HIF3A: variants seen among roughly 807,000 people sequenced by gnomAD.
HIF3A encodes hypoxia inducible factor 3 subunit alpha, also known as hypoxia-inducible factor 3-alpha.
In HIF3A, 41 loss-of-function variants were observed where a neutral mutation model predicts 67.2. The ratio of observed to expected loss-of-function variants is 0.61; its 90% CI spans 0.48 to 0.79. The LOEUF (loss-of-function observed/expected upper bound fraction) is 0.79, where lower values mean the gene tolerates loss of function less well. Ranked by LOEUF, HIF3A falls within the 30% of genes least tolerant of loss-of-function variation. The pLI is 0.00. For synonymous variants in HIF3A, 356 were observed against 374.8 expected, an observed-to-expected ratio of 0.95 and a Z score of 0.58; for missense variants, 855 against 898.0, an observed-to-expected ratio of 0.95 and a Z score of 0.61.
chr19:46,309,234 G>A lies in HIF3A; in HGVS notation c.645G>A (p.Pro215=), dbSNP rs539753130. The A allele has an allele frequency of 1.2e-5, 20 of 1,614,048 alleles. No homozygotes were observed. The highest frequency in any genetic ancestry group is 6.7e-5 in the African/African-American group (5 of 75,036). The change falls in exon 6 of 15, where the codon CCG becomes CCA. Residue 215 remains proline (P), a synonymous_variant. Coordinates refer to ENST00000377670, the MANE Select transcript of HIF3A (RefSeq NM_152795.4). The part of the protein sequence containing the change: ...SPAGSPDSEP[P]LQCLVLICEA... Reference sequence around the variant, plus strand: ...CTGGGAGCCCTGACTCAGAGCCCCCGCTGCAGTGCCTGGTGCTCATCTGCG... The same window carrying A: ...CTGGGAGCCCTGACTCAGAGCCCCCACTGCAGTGCCTGGTGCTCATCTGCG...
At chr19:46,304,217 TC>T (rs1968614692) in intron 2 of HIF3A, 129 bp downstream of exon 2, 1 of 621,836 alleles carries the variant, frequency 1.6e-6, no homozygotes, top group Non-Finnish European at 2.7e-6. Flanking sequence ...GTCGTTTTTT[TC>T]GGCGGAGCCC....
intron 4 of HIF3A, 73 bp from the exon 5 acceptor site, chr19:46,308,590 G>A (rs746941705): frequency 6.7e-6 from 6 of 892,178 alleles, no homozygotes; most frequent in Non-Finnish European, 1.0e-5. Context: ...GGCCTGAGCA[G>A]CCAGGGTGCC....
rs201338052 is a variant in HIF3A, at chr19:46,308,287, G to T, written c.430G>T (p.Ala144Ser). 6.2e-7 allele frequency: 1 copy of T among 1,612,356 alleles called. No homozygotes were observed. Among genetic ancestry groups the T allele is most frequent in the Non-Finnish European group, 8.5e-7 (1 of 1,178,990 alleles). ...HPCDQEELQD[A>S]LTPQQTLSRR... is the part of the protein sequence containing the mutation. ...CTGTGACCAAGAGGAGCTTCAGGAC[G>T]CCCTGACCCCCCAGCAGAGTGAGTT... The change falls in exon 4 of 15, where the codon GCC (alanine) becomes TCC (serine). Residue 144 changes from alanine to serine, a missense_variant. Transcript: ENST00000377670.
In HIF3A at chr19:46,321,805, C is replaced by G. The variant is rs771702806; in HGVS notation, c.1174C>G (p.Leu392Val). 2.5e-6 allele frequency: 4 copies of G among 1,613,742 alleles called. No homozygotes were observed. In the Admixed American group the frequency reaches 5.0e-5, roughly 20 times the overall value. ...DTPGPRILAFLHPPSLSEAAL... is the reference protein window; with the variant it reads ...DTPGPRILAFVHPPSLSEAAL... ...CCCTGGCCCCCGGATCCTTGCCTTC[C>G]TGCACCCGCCTTCCCTGAGCGAGGC... Residue 392 changes from leucine to valine, a missense_variant, in exon 10 of 15, where the codon CTG (leucine) becomes GTG (valine). By Grantham distance (32) the Leu-to-Val change is conservative. This residue lies in a region of HIF3A where 638 missense variants were observed against 660.5 expected (regional missense o/e 0.97). Transcript: ENST00000377670.
intron 14 of HIF3A, among the ~76,000 whole-genome samples, chr19:46,336,063 T>G (rs1971585781): frequency 6.6e-6 from 1 of 151,244 alleles, no homozygotes; most frequent in South Asian, 2.1e-4. Context: ...TTCACATTTT[T>G]ATTTTCTTTC....
chr19:46,300,067 C>T (rs1055753710), intron 1 of HIF3A, among the ~76,000 whole-genome samples: 4 of 152,182 alleles, frequency 2.6e-5, no homozygotes, highest in African/African-American at 9.7e-5. Flanking sequence ...GATGCCATTG[C>T]TCCAAATCTC....
At chr19:46,330,045 G>A (rs1568541789) in intron 12 of HIF3A, among the ~76,000 whole-genome samples, 1 of 140,410 alleles carries the variant, frequency 7.1e-6, no homozygotes, top group Non-Finnish European at 1.6e-5. Flanking sequence ...GGAAGGAAGG[G>A]AAGGAGGGAG....
intron 1 of HIF3A, chr19:46,298,488 C>G (rs551559346): frequency 2.0e-4 from 253 of 1,285,280 alleles, no homozygotes; most frequent in Non-Finnish European, 2.5e-4. Context: ...CTGGATGGCC[C>G]TTCAGCCAAC....
At chr19:46,299,481 A>C (rs538681211) in intron 1 of HIF3A, among the ~76,000 whole-genome samples, 208 of 152,202 alleles carry the variant, frequency 1.4e-3, no homozygotes, top group African/African-American at 4.7e-3. Context: ...GCACTTTGGG[A>C]GGCTGAGGTG....
intron 3 of HIF3A, among the ~76,000 whole-genome samples, chr19:46,307,995 C>T (rs3890990): frequency 0.13 from 3,416 of 26,774 alleles, 78 homozygotes; most frequent in Non-Finnish European, 0.18. Context: ...GACAGACAGA[C>T]AGACAGATAG....
chr19:46,312,142 C>T lies in HIF3A; in HGVS notation c.771-19C>T. On this transcript the variant is annotated intron_variant, in intron 6 of 14. Transcript: ENST00000377670. ...ACCCAGTAGCATCCTGACCAGACCCCACTCCGCCCCACCCCCAGGATTGCA... is the reference window on the plus strand; with the variant it reads ...ACCCAGTAGCATCCTGACCAGACCCTACTCCGCCCCACCCCCAGGATTGCA... 6.2e-7 allele frequency: 1 copy of T among 1,601,604 alleles called. No homozygotes were observed. Among genetic ancestry groups the T allele is most frequent in the Non-Finnish European group, 8.6e-7 (1 of 1,168,616 alleles).
At chr19:46,302,770 A>C (rs1968456775) in intron 1 of HIF3A, among the ~76,000 whole-genome samples, 1 of 152,048 alleles carries the variant, frequency 6.6e-6, no homozygotes, top group African/African-American at 2.4e-5. Context: ...GCTACATAAG[A>C]GGCTGAGGCT....
At chr19:46,312,811 G>A in intron 8 of HIF3A, 158 bp downstream of exon 8, 4 of 1,352,094 alleles carry the variant, frequency 3.0e-6, no homozygotes, top group Non-Finnish European at 3.8e-6. Flanking sequence ...TGAGGAATGT[G>A]TGTCACCATG....
At position 46,341,639 on chromosome 19, in the gene HIF3A, C is replaced by CT. The variant is rs1159526885; in HGVS notation, c.*2031dup. 0.021 allele frequency: 3,052 copies of CT among 142,842 alleles called. 49 individuals carry two copies. The highest frequency in any genetic ancestry group is 0.044 in the African/African-American group (1,713 of 39,062). The allele number at this position is 142,842 out of a possible 1,614,324, so 8.8% of individuals were successfully genotyped here. A position where few individuals can be genotyped will look rare whatever the true frequency, so the allele number is the denominator to read the frequency against. On this transcript the variant is annotated 3_prime_UTR_variant, in exon 15 of 15. Coordinates refer to ENST00000377670, the MANE Select transcript of HIF3A (RefSeq NM_152795.4). Reference sequence around the variant, plus strand: ...TGTTTATCTCTTTTTTCTTCCTCTTCTTTTTTTTTTTTTTCTTTTTTGAGA... The same window carrying CT: ...TGTTTATCTCTTTTTTCTTCCTCTTCTTTTTTTTTTTTTTTCTTTTTTGAGA...
At chr19:46,298,578 C>T (rs1305607221) in intron 1 of HIF3A, 13 of 1,163,510 alleles carry the variant, frequency 1.1e-5, no homozygotes, top group Non-Finnish European at 1.4e-5. Context: ...GGCTGCCATC[C>T]CACTGTGGCC....
chr19:46,325,489 T>C, intron 10 of HIF3A, 46 bp from the exon 11 acceptor site: 1 of 1,389,794 alleles, frequency 7.2e-7, no homozygotes, highest in Non-Finnish European at 1.0e-6. Context: ...TGTTGATACC[T>C]CCCAGGCTCA....
Position 46,297,154 on chromosome 19 carries a change from G to C in HIF3A, c.26+52G>C. ...TGGGAATTGGGGGGCTCTCCTCCTG[G>C]AGACCCCTGAGCTGGATTGTTGGGG... On this transcript the variant is annotated intron_variant, in intron 1 of 14. Coordinates refer to ENST00000377670, the MANE Select transcript of HIF3A (RefSeq NM_152795.4). The surrounding 1 kb of genome is among the most constrained non-coding windows in gnomAD (Gnocchi z 4.5). 2.1e-6 allele frequency: 1 copy of C among 470,096 alleles called. No individual in the cohort carries two copies. 29.1% of individuals were successfully genotyped at this position (470,096 alleles called of 1,614,324 possible).
chr19:46,316,802 CAA>C (rs35910734), intron 8 of HIF3A, among the ~76,000 whole-genome samples: 9 of 120,496 alleles, frequency 7.5e-5, no homozygotes, highest in Admixed American at 2.7e-4. Context: ...GACTCCATCT[CAA>C]AAAAAAAAAA....
intron 8 of HIF3A, among the ~76,000 whole-genome samples, chr19:46,319,095 C>G (rs1970162117): frequency 6.6e-6 from 1 of 152,138 alleles, no homozygotes; most frequent in Admixed American, 6.6e-5. Flanking sequence ...GAATGTGTCA[C>G]ACGTGCACAT....
Sources: allele counts gnomAD v4.1 joint callset (sites outside exome capture counted in the v4.1 genomes callset), GRCh38; gene constraint gnomAD v4.1.1; regional missense constraint gnomAD v4.1.1; non-coding constraint Gnocchi (gnomAD v3.1); transcripts MANE v1.5; gene names NCBI Gene and HGNC (gene_info 2026-07-23, HGNC 2026-07-21).